FBXO25: variants seen among roughly 807,000 people sequenced by gnomAD.
FBXO25 encodes F-box protein 25.
Under a neutral mutation model 51.9 loss-of-function variants are expected in FBXO25, and 45 were observed. That is an observed-to-expected ratio of 0.87 (90% CI 0.68 to 1.11). The LOEUF is 1.11. Among genes scored for constraint, FBXO25 ranks in the 50% most tolerant of loss-of-function variants. The pLI, the probability that FBXO25 is intolerant of heterozygous loss-of-function variation, is 0.00. For synonymous variants in FBXO25, 199 were observed against 151.0 expected (o/e 1.32, Z -2.33); for missense variants, 507 against 428.5 (o/e 1.18, Z -1.62).
intron 2 of FBXO25, among the ~76,000 whole-genome samples, chr8:424,518 A>G (rs1348959553): frequency 6.6e-6 from 1 of 152,134 alleles, no homozygotes; most frequent in Non-Finnish European, 1.5e-5. Context: ...AATCTTTAAT[A>G]TATTTTGAGT....
At chr8:449,124 C>T (rs11136697) in intron 5 of FBXO25, among the ~76,000 whole-genome samples, 34,056 of 152,140 alleles carry the variant, frequency 0.22, 4,197 homozygotes, top group East Asian at 0.36. Flanking sequence ...TGAAACCCAA[C>T]TCCAAGTTGT....
chr8:433,226 G>T (rs1249499492), intron 4 of FBXO25, among the ~76,000 whole-genome samples: 2 of 152,132 alleles, frequency 1.3e-5, no homozygotes, highest in Non-Finnish European at 2.9e-5. Flanking sequence ...ATGTATGATT[G>T]TGCATGTATT....
At chr8:415,685 A>G (rs967373378) in intron 2 of FBXO25, among the ~76,000 whole-genome samples, 2 of 152,196 alleles carry the variant, frequency 1.3e-5, no homozygotes, top group African/African-American at 4.8e-5. Context: ...GGTGGCCCTG[A>G]GAAGGACTCT....
At position 413,112 on chromosome 8, in the gene FBXO25, T is replaced by C; in HGVS notation, c.33T>C (p.Pro11=). ...TTTTGGGTCAGGACTGGAGATCTCC[T>C]GGATGGAGTTGGATTAAGACAGAAG... is the stretch of plus-strand genomic sequence containing the variant. MPFLGQDWRS[P]GWSWIKTEDG... The change falls in exon 2 of 10, where the codon CCT becomes CCC. Residue 11 remains proline, a synonymous_variant. Transcript: ENST00000350302. 1 of 1,602,936 alleles carries C rather than the reference T, an allele frequency of 6.2e-7. No homozygotes were observed. Among genetic ancestry groups the C allele is most frequent in the Non-Finnish European group, 8.5e-7 (1 of 1,175,492 alleles).
intron 1 of FBXO25, among the ~76,000 whole-genome samples, chr8:408,813 A>G (rs1796320881): frequency 6.6e-6 from 1 of 152,214 alleles, no homozygotes; most frequent in Non-Finnish European, 1.5e-5. Context: ...ATAGTTAATC[A>G]TTGTAGGCTG....
intron 5 of FBXO25, among the ~76,000 whole-genome samples, chr8:445,448 T>C (rs190697428): frequency 2.6e-5 from 4 of 152,352 alleles, no homozygotes; most frequent in African/African-American, 9.6e-5. Flanking sequence ...CTTTTCACTT[T>C]TTAAAATTAC....
rs1800404212 is a variant in FBXO25, at chr8:469,510, TA to T, written c.*709del. On this transcript the variant is annotated 3_prime_UTR_variant, in exon 10 of 10. Coordinates refer to ENST00000350302, the MANE Select transcript of FBXO25 (RefSeq NM_183420.2). ...GTGATGGGAACAGCCCAGTGCAGTC[TA>T]AACTTCAATTGTGTTGAAACTACTT... 1 of 152,254 alleles carries T rather than the reference TA, an allele frequency of 6.6e-6. No homozygotes were observed. The highest frequency in any genetic ancestry group is 1.5e-5 in the Non-Finnish European group (1 of 68,042). The allele number at this position is 152,254 out of a possible 1,614,324, so 9.4% of individuals were successfully genotyped here.
At chr8:423,717 G>C (rs1024681806) in intron 2 of FBXO25, among the ~76,000 whole-genome samples, 8 of 152,160 alleles carry the variant, frequency 5.3e-5, no homozygotes, top group Non-Finnish European at 8.8e-5. Context: ...GGTTGATTCT[G>C]TGTCTTTACT....
Position 476,731 on chromosome 8 carries a change from CTT to C in FBXO25, c.*7928_*7929del, listed in dbSNP as rs1229450699. The C allele has an allele frequency of 2.6e-5, 4 of 152,058 alleles. No individual in the cohort carries two copies. The highest frequency in any genetic ancestry group is 5.9e-5 in the Non-Finnish European group (4 of 68,006). 9.4% of individuals were successfully genotyped at this position (152,058 alleles called of 1,614,324 possible). ...TTTTTAGTTGTTTTTCTTAGTCACT[CTT>C]AGCTATCAACAAACTCTTGGTTTCA... On this transcript the variant is annotated 3_prime_UTR_variant, in exon 10 of 10. Transcript: ENST00000350302.
intron 3 of FBXO25, among the ~76,000 whole-genome samples, 174 bp downstream of exon 3, chr8:431,618 G>T (rs1346895454): frequency 1.3e-5 from 2 of 152,188 alleles, no homozygotes; most frequent in Non-Finnish European, 2.9e-5. Context: ...AACCGTTTCA[G>T]TGGGTAAGAT....
chr8:413,624 A>C (rs1796619508), intron 2 of FBXO25, among the ~76,000 whole-genome samples: 1 of 152,204 alleles, frequency 6.6e-6, no homozygotes, highest in African/African-American at 2.4e-5. Context: ...AACATTGTCA[A>C]GGGGCCAAGC....
chr8:474,491 G>A lies in FBXO25; in HGVS notation c.*5687G>A. 3 of 334,294 alleles carry A rather than the reference G, an allele frequency of 9.0e-6. No individual in the cohort carries two copies. The highest frequency in any genetic ancestry group is 7.2e-5 in the South Asian group (3 of 41,808). The allele number at this position is 334,294 out of a possible 1,614,324, so 20.7% of individuals were successfully genotyped here. ...CACTGCCATAAGTGTTTTACACGGT[G>A]GCTGCACCATTTTACATTCCCACTG... On this transcript the variant is annotated 3_prime_UTR_variant, in exon 10 of 10. Coordinates refer to ENST00000350302, the MANE Select transcript of FBXO25 (RefSeq NM_183420.2).
chr8:427,379 A>T (rs1797556622), intron 2 of FBXO25, among the ~76,000 whole-genome samples: 1 of 150,610 alleles, frequency 6.6e-6, no homozygotes, highest in African/African-American at 2.5e-5. Flanking sequence ...TCTGCATGTT[A>T]TATGACCTTG....
intron 1 of FBXO25, among the ~76,000 whole-genome samples, chr8:408,521 A>G (rs1796302322): frequency 6.6e-6 from 1 of 152,260 alleles, no homozygotes; most frequent in African/African-American, 2.4e-5. Context: ...TTGTAAAACA[A>G]GAATAATGTT....
At chr8:415,379 C>T (rs549842764) in intron 2 of FBXO25, among the ~76,000 whole-genome samples, 1 of 152,338 alleles carries the variant, frequency 6.6e-6, no homozygotes, top group East Asian at 1.9e-4. Context: ...CCAGCCAGTT[C>T]ATACTCTGAA....
At chr8:435,960 G>T (rs1482288545) in intron 5 of FBXO25, among the ~76,000 whole-genome samples, 12 of 152,212 alleles carry the variant, frequency 7.9e-5, no homozygotes, top group Admixed American at 6.5e-5. Context: ...CTCTGTGGTT[G>T]CTGAGGATGC....
rs999632831 is a variant in FBXO25, at chr8:477,027, C to G, written c.*8223C>G. ...TACCACAAGATATTTTCTAATTTCC[C>G]TTGTGAGTTCCCCATTAATCTGCTG... On this transcript the variant is annotated 3_prime_UTR_variant, in exon 10 of 10. Coordinates refer to ENST00000350302, the MANE Select transcript of FBXO25 (RefSeq NM_183420.2). 5.3e-5 allele frequency: 8 copies of G among 152,132 alleles called. No individual in the cohort carries two copies. The highest frequency in any genetic ancestry group is 1.2e-4 in the Non-Finnish European group (8 of 68,028). The allele number at this position is 152,132 out of a possible 1,614,324, so 9.4% of individuals were successfully genotyped here.
chr8:452,112 G>A (rs1367134084), intron 7 of FBXO25, among the ~76,000 whole-genome samples: 1 of 152,176 alleles, frequency 6.6e-6, no homozygotes, highest in Non-Finnish European at 1.5e-5. Flanking sequence ...GCACTGCTAA[G>A]ATCCTAGTTA....
Position 476,074 on chromosome 8 carries a change from A to C in FBXO25, c.*7270A>C, listed in dbSNP as rs935683464. 1 of 152,136 alleles carries C rather than the reference A, an allele frequency of 6.6e-6. No individual in the cohort carries two copies. Among genetic ancestry groups the C allele is most frequent in the Non-Finnish European group, 1.5e-5 (1 of 68,008 alleles). 9.4% of individuals were successfully genotyped at this position (152,136 alleles called of 1,614,324 possible). ...TATTCCCAATTGTTGAGTTTTTATCATGAAAGGGCATGACATTGTCTCAAA... is the reference window on the plus strand; with the variant it reads ...TATTCCCAATTGTTGAGTTTTTATCCTGAAAGGGCATGACATTGTCTCAAA... On this transcript the variant is annotated 3_prime_UTR_variant, in exon 10 of 10. Transcript: ENST00000350302.
Sources: allele counts gnomAD v4.1 joint callset (sites outside exome capture counted in the v4.1 genomes callset), GRCh38; gene constraint gnomAD v4.1.1; transcripts MANE v1.5; gene names NCBI Gene and HGNC (gene_info 2026-07-23, HGNC 2026-07-21).